TIMM22: variants seen among roughly 807,000 people sequenced by gnomAD.
The protein encoded by TIMM22 is translocase of inner mitochondrial membrane 22.
Under a neutral mutation model 18.3 loss-of-function variants are expected in TIMM22, and 12 were observed. That is an observed-to-expected ratio of 0.65 (90% CI 0.42 to 1.06). The LOEUF is 1.06. Ranked by LOEUF, TIMM22 falls within the 50% of genes least tolerant of loss-of-function variation. The pLI, the probability that TIMM22 is intolerant of heterozygous loss-of-function variation, is 0.00. For synonymous variants in TIMM22, 107 were observed against 98.5 expected (o/e 1.09, Z -0.51); for missense variants, 278 against 252.8 (o/e 1.10, Z -0.68).
chr17:999,439 C>A, intron 2 of TIMM22, 73 bp from the exon 3 acceptor site: 4 of 1,500,838 alleles, frequency 2.7e-6, no homozygotes, highest in South Asian at 1.2e-5. Context: ...TAACGAGCAA[C>A]CCTGTGTATT....
chr17:1,002,701 C>T lies in TIMM22; in HGVS notation c.*1613C>T, dbSNP rs2150668457. ...GCTGTCCCTAAATATAGGACACCTA[C>T]AAGCACTCTGAAGCAAGGGCAGACA... On this transcript the variant is annotated 3_prime_UTR_variant, in exon 4 of 4. Transcript: ENST00000327158. 2 of 152,316 alleles carry T rather than the reference C, an allele frequency of 1.3e-5. No individual in the cohort carries two copies. Among genetic ancestry groups the T allele is most frequent in the East Asian group, 3.9e-4 (2 of 5,184 alleles). The allele number at this position is 152,316 out of a possible 1,614,324, so 9.4% of individuals were successfully genotyped here.
intron 3 of TIMM22, among the ~76,000 whole-genome samples, chr17:1,000,141 C>T (rs1314636610): frequency 6.6e-6 from 1 of 152,058 alleles, no homozygotes; most frequent in Non-Finnish European, 1.5e-5. Context: ...GCCTCAGCCT[C>T]CCAAAGTGCT....
chr17:1,000,600 G>T (rs917824005), intron 3 of TIMM22, among the ~76,000 whole-genome samples: 1 of 152,098 alleles, frequency 6.6e-6, no homozygotes, highest in African/African-American at 2.4e-5. Context: ...TCCGCCGGTC[G>T]TCCCATTGTT....
At position 997,297 on chromosome 17, in the gene TIMM22, G is replaced by A; in HGVS notation, c.155G>A (p.Ser52Asn). The change falls in exon 1 of 4, where the codon AGT becomes AAT. Residue 52 changes from serine (S) to asparagine (N), a missense_variant. Ser to Asn is a conservative substitution (Grantham distance 46). Transcript: ENST00000327158. ...CCTGGGAGCCTGGGCGGGATCCCAA[G>A]TCCAGCCAAGAGTGAGGAGCAGAAG... ...LEPGSLGGIP[S>N]PAKSEEQKMI... The A allele has an allele frequency of 1.9e-6, 3 of 1,613,876 alleles. No homozygotes were observed. The highest frequency in any genetic ancestry group is 2.5e-6 in the Non-Finnish European group (3 of 1,179,986).
At chr17:999,358 T>TATATACACATATATAC (rs1408779709) in intron 2 of TIMM22, among the ~76,000 whole-genome samples, 154 bp from the exon 3 acceptor site, 4 of 132,588 alleles carry the variant, frequency 3.0e-5, no homozygotes, top group African/African-American at 1.3e-4. Context: ...TATATATATA[T>TATATACACATATATAC]ACACGCTGTA....
At chr17:998,656 G>C in intron 1 of TIMM22, 123 bp from the exon 2 acceptor site, 1 of 944,154 alleles carries the variant, frequency 1.1e-6, no homozygotes, top group Non-Finnish European at 1.5e-6. Flanking sequence ...GAGTTTGAGT[G>C]GCAAGAGGGG....
rs58985331 is a variant in TIMM22, at chr17:1,002,148, TA to T, written c.*1079del. Reference sequence around the variant, plus strand: ...TGGCCTAGTTGTGTGCCATGGATATTAAAAAAAAAAAAAAAAAAATCCGTCT... The same window carrying T: ...TGGCCTAGTTGTGTGCCATGGATATTAAAAAAAAAAAAAAAAAATCCGTCT... On this transcript the variant is annotated 3_prime_UTR_variant, in exon 4 of 4. Coordinates refer to ENST00000327158, the MANE Select transcript of TIMM22 (RefSeq NM_013337.4). The T allele has an allele frequency of 0.49, 71,730 of 145,590 alleles. 17,589 individuals carry two copies. Among genetic ancestry groups the T allele is most frequent in the Non-Finnish European group, 0.54 (35,741 of 66,314 alleles). 9.0% of individuals were successfully genotyped at this position (145,590 alleles called of 1,614,324 possible). A position where few individuals can be genotyped will look rare whatever the true frequency, so the allele number is the denominator to read the frequency against.
chr17:1,001,250 C>T lies in TIMM22; in HGVS notation c.*162C>T. 1.4e-6 allele frequency: 1 copy of T among 728,100 alleles called. No homozygotes were observed. Among genetic ancestry groups the T allele is most frequent in the Non-Finnish European group, 2.2e-6 (1 of 444,964 alleles). 45.1% of individuals were successfully genotyped at this position (728,100 alleles called of 1,614,324 possible). On this transcript the variant is annotated 3_prime_UTR_variant, in exon 4 of 4. Transcript: ENST00000327158. ...GGGAGCTGCCTGGCTTCTCTGCCTCCAGCCTTTGGGGTAGCCACACTTTGC... is the reference window on the plus strand; with the variant it reads ...GGGAGCTGCCTGGCTTCTCTGCCTCTAGCCTTTGGGGTAGCCACACTTTGC...
In TIMM22 at chr17:1,002,983, A is replaced by ACAT. The variant is rs1283263263; in HGVS notation, c.*1897_*1899dup. On this transcript the variant is annotated 3_prime_UTR_variant, in exon 4 of 4. Transcript: ENST00000327158. Reference sequence around the variant, plus strand: ...ATAAACCAAACAGCAATTTTCAGAGACATCTGTTCCTGATCTTCAGAATAA... The same window carrying ACAT: ...ATAAACCAAACAGCAATTTTCAGAGACATCATCTGTTCCTGATCTTCAGAATAA... 1 of 152,074 alleles carries ACAT rather than the reference A, an allele frequency of 6.6e-6. No individual in the cohort carries two copies. Among genetic ancestry groups the ACAT allele is most frequent in the Non-Finnish European group, 1.5e-5 (1 of 68,012 alleles). 9.4% of individuals were successfully genotyped at this position (152,074 alleles called of 1,614,324 possible). A position where few individuals can be genotyped will look rare whatever the true frequency, so the allele number is the denominator to read the frequency against.
In TIMM22 at chr17:997,134, G is replaced by C. The variant is rs1260078480; in HGVS notation, c.-9G>C. 4.4e-6 allele frequency: 7 copies of C among 1,607,890 alleles called. No homozygotes were observed. In the African/African-American group the frequency reaches 5.3e-5, roughly 12 times the overall value. On this transcript the variant is annotated 5_prime_UTR_variant, in exon 1 of 4. Coordinates refer to ENST00000327158, the MANE Select transcript of TIMM22 (RefSeq NM_013337.4). ...GAAGGACGCGAGGGTTGCTTGGGCA[G>C]CGACTGTCATGGCGGCGGCCGCCCC...
intron 3 of TIMM22, 92 bp downstream of exon 3, chr17:999,676 C>G (rs2069723814): frequency 8.7e-7 from 1 of 1,155,938 alleles, no homozygotes; most frequent in East Asian, 2.5e-5. Context: ...TCCAGGGACA[C>G]TTGATCTTCT....
In TIMM22 at chr17:999,578, T is replaced by G; in HGVS notation, c.502T>G (p.Phe168Val). The G allele has an allele frequency of 6.2e-7, 1 of 1,613,204 alleles. No homozygotes were observed. The highest frequency in any genetic ancestry group is 8.5e-7 in the Non-Finnish European group (1 of 1,179,590). Residue 168 changes from phenylalanine (F) to valine (V), a missense_variant, in exon 3 of 4, where the codon TTC becomes GTC. Coordinates refer to ENST00000327158, the MANE Select transcript of TIMM22 (RefSeq NM_013337.4). ...CTGCATCACGGGAGGAGCTATTGGT[T>G]TCAGAGGTTAGTAAACGGCTCTCGA... Reference protein sequence around the residue: ...SGCITGGAIGFRAGLKAGAIG... With the variant: ...SGCITGGAIGVRAGLKAGAIG...
chr17:999,323 CTATATATATATATATATATA>C lies in TIMM22; in HGVS notation c.436-172_436-153del, dbSNP rs57081954. Among the ~76,000 whole-genome samples, 6 of 120,588 alleles carry C rather than the reference CTATATATATATATATATATA, an allele frequency of 5.0e-5. 2 individuals are homozygous for C. In the East Asian group the frequency reaches 6.6e-4, roughly 13 times the overall value. The allele number at this position is 120,588 out of a possible 152,430, so 79.1% of individuals were successfully genotyped here. ...TGCAGGAAGCATCTATGAACGCATA[CTATATATATATATATATATA>C]TATATATATATATATACACGCTGTA... On this transcript the variant is annotated intron_variant, in intron 2 of 3. Transcript: ENST00000327158.
chr17:999,531 G>A lies in TIMM22; in HGVS notation c.455G>A (p.Trp152Ter), dbSNP rs775867818. ...CCACAGTACCGGGGAACATCAGACT[G>A]GAAGAACAGTGTCATCAGTGGCTGC... ...LIESYRGTSD[W>*]KNSVISGCIT... The change falls in exon 3 of 4, where the codon TGG becomes TAG. Residue 152 changes from tryptophan to a stop codon, truncating the protein, a stop_gained. Transcript: ENST00000327158. LOFTEE classifies it high-confidence loss of function. 6.2e-7 allele frequency: 1 copy of A among 1,613,586 alleles called. No individual in the cohort carries two copies. The highest frequency in any genetic ancestry group is 2.2e-5 in the East Asian group (1 of 44,872).
chr17:997,350 G>A lies in TIMM22; in HGVS notation c.208G>A (p.Ala70Thr), dbSNP rs886818131. The A allele has an allele frequency of 6.2e-7, 1 of 1,613,516 alleles. No homozygotes were observed. The highest frequency in any genetic ancestry group is 1.3e-5 in the African/African-American group (1 of 75,066). The change falls in exon 1 of 4, where the codon GCT becomes ACT. Residue 70 changes from alanine (A) to threonine (T), a missense_variant. Ala to Thr is a moderately conservative substitution (Grantham distance 58). Transcript: ENST00000327158. ...GATCGAGAAGGCGATGGAAAGCTGC[G>A]CTTTCAAGGCTGCGCTGGCCTGCGT... is the stretch of plus-strand genomic sequence containing the variant. Reference protein sequence around the residue: ...KMIEKAMESCAFKAALACVGG... With the variant: ...KMIEKAMESCTFKAALACVGG...
intron 1 of TIMM22, among the ~76,000 whole-genome samples, chr17:998,367 T>C (rs958694946): frequency 2.6e-5 from 4 of 152,200 alleles, no homozygotes; most frequent in Non-Finnish European, 5.9e-5. Context: ...AGCATCTGTC[T>C]CACTGGATTA....
At position 997,240 on chromosome 17, in the gene TIMM22, T is replaced by G; in HGVS notation, c.98T>G (p.Val33Gly). ...TACAGCCTGCTCCTGCAGTACCTGGTGGGTGACAAGCGTCAGCCCCGGCTC... is the reference window on the plus strand; with the variant it reads ...TACAGCCTGCTCCTGCAGTACCTGGGGGGTGACAAGCGTCAGCCCCGGCTC... Reference protein sequence around the residue: ...LQYSLLLQYLVGDKRQPRLLE... With the variant: ...LQYSLLLQYLGGDKRQPRLLE... The change falls in exon 1 of 4, where the codon GTG becomes GGG. Residue 33 changes from valine to glycine, a missense_variant. Val to Gly is a moderately radical substitution (Grantham distance 109, BLOSUM62 -3). Coordinates refer to ENST00000327158, the MANE Select transcript of TIMM22 (RefSeq NM_013337.4). The G allele has an allele frequency of 3.1e-6, 5 of 1,613,454 alleles. No individual in the cohort carries two copies. The highest frequency in any genetic ancestry group is 4.2e-6 in the Non-Finnish European group (5 of 1,179,956).
chr17:999,358 T>TATATATATACACATATATAC (rs1408779709), intron 2 of TIMM22, among the ~76,000 whole-genome samples, 154 bp from the exon 3 acceptor site: 3 of 132,584 alleles, frequency 2.3e-5, no homozygotes, highest in Admixed American at 7.4e-5. Flanking sequence ...TATATATATA[T>TATATATATACACATATATAC]ACACGCTGTA....
In TIMM22 at chr17:1,003,048, T is replaced by C. The variant is rs948406763; in HGVS notation, c.*1960T>C. The C allele has an allele frequency of 6.6e-6, 1 of 152,066 alleles. No individual in the cohort carries two copies. Among genetic ancestry groups the C allele is most frequent in the Non-Finnish European group, 1.5e-5 (1 of 68,012 alleles). The allele number at this position is 152,066 out of a possible 1,614,324, so 9.4% of individuals were successfully genotyped here. On this transcript the variant is annotated 3_prime_UTR_variant, in exon 4 of 4. Coordinates refer to ENST00000327158, the MANE Select transcript of TIMM22 (RefSeq NM_013337.4). The stretch of plus-strand genomic sequence containing the variant: ...TGCTTCGGCTGGTGGGAGCCAATAT[T>C]CACGCCACTGACTCTCTCAAAGGGA...
Sources: gnomAD v4.1 joint callset for allele counts (sites outside exome capture counted in the v4.1 genomes callset) on GRCh38, gnomAD v4.1.1 for gene constraint, MANE v1.5 for transcripts, NCBI Gene and HGNC (gene_info 2026-07-23, HGNC 2026-07-21) for gene names.